Variants in ZNF606 observed in about 807,000 individuals in gnomAD.
ZNF606 encodes zinc finger protein 328.
In ZNF606, 37 loss-of-function variants were observed where a neutral mutation model predicts 74.9. The observed-to-expected ratio is 0.49, with a 90% CI of 0.38 to 0.65. The LOEUF is 0.65. ZNF606 is among the 30% of genes least tolerant of loss of function. ZNF606 has a pLI of 0.00. For synonymous variants in ZNF606, 328 were observed against 312.4 expected, an observed-to-expected ratio of 1.05 and a Z score of -0.53; for missense variants, 852 against 952.9, an observed-to-expected ratio of 0.89 and a Z score of 1.39.
intron 6 of ZNF606, 136 bp from the exon 7 acceptor site, chr19:57,980,415 G>T: frequency 1.2e-6 from 1 of 822,578 alleles, no homozygotes; most frequent in Non-Finnish European, 1.9e-6. Flanking sequence ...AGAACTCAGA[G>T]AAAGATCATA....
rs1377868491 is a variant in ZNF606 at position 58,002,793 on chromosome 19, A to G, written c.-449T>C. The G allele has an allele frequency of 2.2e-6, 1 of 452,122 alleles. No homozygotes were observed. The highest frequency in any genetic ancestry group is 2.4e-5 in the Admixed American group (1 of 42,060). The allele number at this position is 452,122 out of a possible 1,614,324, so 28.0% of individuals were successfully genotyped here. A position where few individuals can be genotyped will look rare whatever the true frequency, so the allele number is the denominator to read the frequency against. ...CAAAGGCCTCACCTCAGCCGCGGAC[A>G]ATGGCGGCTGCTTCCCCGGCGTCGA... On this transcript the variant is annotated 5_prime_UTR_variant, in exon 1 of 7. Transcript: ENST00000551380.
At chr19:57,994,888 G>T (rs1216691754) in intron 4 of ZNF606, among the ~76,000 whole-genome samples, 2 of 152,068 alleles carry the variant, frequency 1.3e-5, no homozygotes, top group East Asian at 1.9e-4. Context: ...TAGTAACACT[G>T]AAAGTATATA....
intron 5 of ZNF606, 63 bp from the exon 6 acceptor site, chr19:57,988,365 T>C: frequency 6.5e-7 from 1 of 1,528,284 alleles, no homozygotes; most frequent in Admixed American, 1.8e-5. Context: ...AAAGAAAGCT[T>C]CTCTTGCCTA....
intron 6 of ZNF606, among the ~76,000 whole-genome samples, chr19:57,984,989 G>C (rs2073143286): frequency 6.6e-6 from 1 of 152,136 alleles, no homozygotes. Context: ...CACCTACTAG[G>C]GGGGCTGAGG....
At chr19:57,995,700 T>C (rs1420048607) in intron 4 of ZNF606, among the ~76,000 whole-genome samples, 1 of 152,062 alleles carries the variant, frequency 6.6e-6, no homozygotes, top group Non-Finnish European at 1.5e-5. Flanking sequence ...ACGCCTGCAA[T>C]CCTAGCTACT....
intron 4 of ZNF606, chr19:57,997,270 C>T (rs2073353697): frequency 6.6e-6 from 1 of 152,172 alleles, no homozygotes; most frequent in Non-Finnish European, 1.5e-5. Context: ...GAGATATTAT[C>T]ATTACAATTA....
chr19:58,001,672 T>G (rs193150517), intron 1 of ZNF606, among the ~76,000 whole-genome samples: 2 of 152,256 alleles, frequency 1.3e-5, no homozygotes, highest in Admixed American at 6.5e-5. Context: ...TATTGTAAAA[T>G]CAACTTGCAA....
intron 6 of ZNF606, among the ~76,000 whole-genome samples, chr19:57,980,554 A>G (rs905245986): frequency 6.6e-6 from 1 of 152,174 alleles, no homozygotes; most frequent in African/African-American, 2.4e-5. Flanking sequence ...TGCAAGAAAG[A>G]GGCCGGACGA....
rs1363830492 is a variant in ZNF606 at position 58,002,572 on chromosome 19, G to A, written c.-228C>T. The A allele has an allele frequency of 1.6e-5, 7 of 435,864 alleles. No individual in the cohort carries two copies. The highest frequency in any genetic ancestry group is 1.5e-4 in the Admixed American group (6 of 39,366). 27.0% of individuals were successfully genotyped at this position (435,864 alleles called of 1,614,324 possible). ...GCCGACGTGCAGCAGAGTTCACCCAGGCCCGTCCGACCAGAAAACGAAGAA... is the reference window on the plus strand; with the variant it reads ...GCCGACGTGCAGCAGAGTTCACCCAAGCCCGTCCGACCAGAAAACGAAGAA... On this transcript the variant is annotated 5_prime_UTR_variant, in exon 1 of 7. Transcript: ENST00000551380.
Position 58,002,529 on chromosome 19 carries a change from G to T in ZNF606, c.-185C>A, listed in dbSNP as rs1397708547. On this transcript the variant is annotated 5_prime_UTR_variant, in exon 1 of 7. Transcript: ENST00000551380. Reference sequence around the variant, plus strand: ...CTTGGGAGCTCCCGGCGCGGCCTCGGGGACAAAGGCCCGCGGAGCCGACGT... The same window carrying T: ...CTTGGGAGCTCCCGGCGCGGCCTCGTGGACAAAGGCCCGCGGAGCCGACGT... The T allele has an allele frequency of 2.3e-6, 1 of 429,438 alleles. No individual in the cohort carries two copies. Among genetic ancestry groups the T allele is most frequent in the East Asian group, 7.1e-5 (1 of 14,108 alleles). 26.6% of individuals were successfully genotyped at this position (429,438 alleles called of 1,614,324 possible). A position where few individuals can be genotyped will look rare whatever the true frequency, so the allele number is the denominator to read the frequency against.
rs750273866 is a variant in ZNF606, at chr19:57,980,561, ACGAGGTGG to A, written c.401-290_401-283del. Among the ~76,000 whole-genome samples, 468 of 152,200 alleles carry A rather than the reference ACGAGGTGG, an allele frequency of 3.1e-3. 2 individuals are homozygous for A. Among genetic ancestry groups the A allele is most frequent in the Non-Finnish European group, 3.7e-3 (251 of 67,986 alleles). Reference sequence around the variant, plus strand: ...TAAGAATGTGCAAGAAAGAGGCCGGACGAGGTGGCTACGCCTGTAATCCCAGCACTTTG... The same window carrying A: ...TAAGAATGTGCAAGAAAGAGGCCGGACTACGCCTGTAATCCCAGCACTTTG... On this transcript the variant is annotated intron_variant, in intron 6 of 6. Coordinates refer to ENST00000551380, the MANE Select transcript of ZNF606 (RefSeq NM_001348022.3).
intron 1 of ZNF606, 124 bp from the exon 2 acceptor site, chr19:58,001,494 G>T: frequency 1.5e-6 from 1 of 685,498 alleles, no homozygotes; most frequent in Non-Finnish European, 2.5e-6. Context: ...TAAGAAAAGA[G>T]AATTTACATG....
rs1322101310 is a variant in ZNF606 at position 57,979,729 on chromosome 19, A to G, written c.951T>C (p.Tyr317=). Residue 317 remains tyrosine, a synonymous_variant, in exon 7 of 7, where the codon TAT becomes TAC. Coordinates refer to ENST00000551380, the MANE Select transcript of ZNF606 (RefSeq NM_001348022.3). ...AGATTTGATGGCATTCCTTATATTC[A>G]TAGAGTTTTTCTCCTGTGTGAATTC... ...HKGIHTGEKL[Y]EYKECHQIFN... 1 of 1,613,436 alleles carries G rather than the reference A, an allele frequency of 6.2e-7. No homozygotes were observed. Among genetic ancestry groups the G allele is most frequent in the Non-Finnish European group, 8.5e-7 (1 of 1,179,876 alleles).
At chr19:58,001,128 C>T in intron 2 of ZNF606, 161 bp downstream of exon 2, 1 of 784,286 alleles carries the variant, frequency 1.3e-6, no homozygotes, top group Non-Finnish European at 2.0e-6. Flanking sequence ...GTCTTTTATG[C>T]CAACAATTTT....
At chr19:57,988,169 G>T (rs749278421) in intron 6 of ZNF606, 38 bp downstream of exon 6, 6 of 1,558,472 alleles carry the variant, frequency 3.8e-6, no homozygotes, top group South Asian at 1.1e-5. Context: ...AGAGGGCTTG[G>T]GGGGAAGTTC....
chr19:57,995,333 A>C (rs1200994409), intron 4 of ZNF606, among the ~76,000 whole-genome samples: 1 of 152,128 alleles, frequency 6.6e-6, no homozygotes, highest in Non-Finnish European at 1.5e-5. Flanking sequence ...GAGCAGCAAA[A>C]ACAATGGGGG....
At chr19:57,987,107 A>G (rs1483674271) in intron 6 of ZNF606, among the ~76,000 whole-genome samples, 1 of 152,142 alleles carries the variant, frequency 6.6e-6, no homozygotes, top group Non-Finnish European at 1.5e-5. Context: ...GTTAATTGTA[A>G]TCCCCAGGGC....
chr19:57,978,346 G>C lies in ZNF606; in HGVS notation c.2334C>G (p.Ala778=), dbSNP rs147798149. Residue 778 remains alanine, a synonymous_variant, in exon 7 of 7, where the codon GCC becomes GCG. Coordinates refer to ENST00000551380, the MANE Select transcript of ZNF606 (RefSeq NM_001348022.3). This position sits in a 1 kb window ranked among gnomAD's most constrained non-coding sequence, Gnocchi z 4.4. The part of the protein sequence containing the change: ...ECGKAFSGHS[A]LLQHQRNHSE... ...TGTGATTTCTCTGGTGTTGAAGTAG[G>C]GCTGAGTGACCACTAAAGGCTTTTC... The C allele has an allele frequency of 1.6e-4, 254 of 1,598,332 alleles. No homozygotes were observed. The African/African-American group carries it at 2.7e-3, about 17-fold the overall frequency.
chr19:57,997,532 A>T (rs1182153681), intron 4 of ZNF606: 2 of 152,248 alleles, frequency 1.3e-5, no homozygotes, highest in African/African-American at 4.8e-5. Context: ...AGTTTCCCAC[A>T]GGAAAAAATC....
Sources: allele counts gnomAD v4.1 joint callset (sites outside exome capture counted in the v4.1 genomes callset), GRCh38; gene constraint gnomAD v4.1.1; non-coding constraint Gnocchi (gnomAD v3.1); transcripts MANE v1.5; gene names NCBI Gene and HGNC (gene_info 2026-07-23, HGNC 2026-07-21).